The following FAM171A1 variants were observed in gnomAD, a reference collection of about 807,000 sequenced individuals.
FAM171A1 encodes the protein family with sequence similarity 171 member A1, also known as protein FAM171A1.
Under a neutral mutation model 74.9 loss-of-function variants are expected in FAM171A1, and 23 were observed. The observed-to-expected ratio is 0.31, with a 90% CI of 0.22 to 0.44. FAM171A1 has a LOEUF of 0.44. Ranked by LOEUF, FAM171A1 falls within the 20% of genes least tolerant of loss-of-function variation. The probability of loss-of-function intolerance (pLI) is 1.00; values close to 1 mark genes in which losing one functional copy is unlikely to be tolerated. For missense variants in FAM171A1, 1,162 were observed against 1,159.2 expected, an observed-to-expected ratio of 1.00 and a Z score of -0.03; for synonymous variants, 527 against 505.7, an observed-to-expected ratio of 1.04 and a Z score of -0.57.
intron 1 of FAM171A1, among the ~76,000 whole-genome samples, chr10:15,285,870 G>A (rs9787700): frequency 0.29 from 44,667 of 152,084 alleles, 7,935 homozygotes; most frequent in East Asian, 0.57. Context: ...GCCTGACAGC[G>A]AGGATGAGGA....
chr10:15,263,565 G>A (rs1031657744), intron 3 of FAM171A1, among the ~76,000 whole-genome samples: 1 of 152,146 alleles, frequency 6.6e-6, no homozygotes, highest in African/African-American at 2.4e-5. Flanking sequence ...TATCCCTCTT[G>A]TTGACCAATT....
intron 1 of FAM171A1, among the ~76,000 whole-genome samples, chr10:15,308,680 A>C (rs1386436655): frequency 1.3e-5 from 2 of 152,104 alleles, no homozygotes; most frequent in East Asian, 1.9e-4. Flanking sequence ...AACAAACCCC[A>C]AAAAACAGGT....
At chr10:15,329,747 T>C (rs1201742870) in intron 1 of FAM171A1, among the ~76,000 whole-genome samples, 1 of 151,878 alleles carries the variant, frequency 6.6e-6, no homozygotes, top group African/African-American at 2.4e-5. Flanking sequence ...CATTTTCAGA[T>C]CACAAGGGGA....
At chr10:15,263,773 A>G (rs1214104016) in intron 3 of FAM171A1, among the ~76,000 whole-genome samples, 2 of 151,410 alleles carry the variant, frequency 1.3e-5, no homozygotes, top group Non-Finnish European at 2.9e-5. Context: ...CTATCTATCT[A>G]TCTATCTATC....
At chr10:15,245,311 C>G (rs961582007) in intron 5 of FAM171A1, among the ~76,000 whole-genome samples, 1 of 152,178 alleles carries the variant, frequency 6.6e-6, no homozygotes, top group Non-Finnish European at 1.5e-5. Flanking sequence ...AGGTGATCTG[C>G]CTGTCTTGGC....
At chr10:15,341,593 T>C (rs1240167728) in intron 1 of FAM171A1, among the ~76,000 whole-genome samples, 2 of 152,152 alleles carry the variant, frequency 1.3e-5, no homozygotes, top group Non-Finnish European at 2.9e-5. Flanking sequence ...AAAAACAAAT[T>C]AATTAATTCA....
intron 1 of FAM171A1, among the ~76,000 whole-genome samples, chr10:15,359,049 A>G (rs1303884446): frequency 1.3e-5 from 2 of 152,200 alleles, no homozygotes; most frequent in African/African-American, 4.8e-5. Context: ...TGATGTGAAG[A>G]TTAAATAAGA....
At chr10:15,249,103 T>TTC (rs1554833658) in intron 4 of FAM171A1, among the ~76,000 whole-genome samples, 6 of 146,664 alleles carry the variant, frequency 4.1e-5, no homozygotes, top group Non-Finnish European at 8.9e-5. Flanking sequence ...TTTTTCTTTT[T>TTC]TTTTTTTTTT....
chr10:15,246,539 T>C (rs1183046995), intron 5 of FAM171A1, among the ~76,000 whole-genome samples: 1 of 152,226 alleles, frequency 6.6e-6, no homozygotes, highest in Non-Finnish European at 1.5e-5. Context: ...ATTTTCTTTT[T>C]TCGAGACAGT....
At chr10:15,312,341 TG>T (rs1342856352) in intron 1 of FAM171A1, among the ~76,000 whole-genome samples, 1 of 152,244 alleles carries the variant, frequency 6.6e-6, no homozygotes, top group Non-Finnish European at 1.5e-5. Context: ...TACTCGCTGC[TG>T]AACTCCAAAA....
intron 3 of FAM171A1, among the ~76,000 whole-genome samples, chr10:15,266,087 G>A (rs779586751): frequency 3.3e-5 from 5 of 152,276 alleles, no homozygotes; most frequent in African/African-American, 1.2e-4. Flanking sequence ...CACGGACGCC[G>A]TCTGCTCCTT....
chr10:15,365,445 A>G (rs1388593179), intron 1 of FAM171A1, among the ~76,000 whole-genome samples: 4 of 152,202 alleles, frequency 2.6e-5, no homozygotes, highest in Non-Finnish European at 5.9e-5. Flanking sequence ...CAGAATTTGC[A>G]AAGATTAATA....
At chr10:15,227,559 T>G (rs867451917) in intron 5 of FAM171A1, among the ~76,000 whole-genome samples, 3 of 152,048 alleles carry the variant, frequency 2.0e-5, no homozygotes, top group South Asian at 4.1e-4. Context: ...ACTTTGGTAT[T>G]TTTTGTAGAG....
chr10:15,299,208 C>T lies in FAM171A1; in HGVS notation c.98-15103G>A, dbSNP rs796679550. ...TGCTGGGATTACAGGTGTGAGCCAC[C>T]GCGCCAGGCCAGTTTTGTTGATATT... On this transcript the variant is annotated intron_variant, in intron 1 of 7. Coordinates refer to ENST00000378116, the MANE Select transcript of FAM171A1 (RefSeq NM_001010924.2). Among the ~76,000 whole-genome samples, 7 of 152,294 alleles carry T rather than the reference C, an allele frequency of 4.6e-5. No homozygotes were observed. In the South Asian group the frequency reaches 6.2e-4, roughly 14 times the overall value.
At chr10:15,345,720 C>G (rs894876722) in intron 1 of FAM171A1, among the ~76,000 whole-genome samples, 2 of 152,146 alleles carry the variant, frequency 1.3e-5, no homozygotes, top group African/African-American at 4.8e-5. Flanking sequence ...ACGTCTTCCT[C>G]AAGCAAAGAG....
At chr10:15,255,765 A>G (rs1834572648) in intron 3 of FAM171A1, among the ~76,000 whole-genome samples, 1 of 150,904 alleles carries the variant, frequency 6.6e-6, no homozygotes, top group African/African-American at 2.4e-5. Flanking sequence ...CCCCTGCCTC[A>G]GTCTCCCAAG....
chr10:15,234,456 C>T (rs1447113778), intron 5 of FAM171A1, among the ~76,000 whole-genome samples: 1 of 152,144 alleles, frequency 6.6e-6, no homozygotes, highest in African/African-American at 2.4e-5. Context: ...AACGAGAGTA[C>T]ACTCCACAGA....
chr10:15,237,162 C>A (rs1428122125), intron 5 of FAM171A1, among the ~76,000 whole-genome samples: 1 of 152,258 alleles, frequency 6.6e-6, no homozygotes, highest in Non-Finnish European at 1.5e-5. Flanking sequence ...GTGAATACTC[C>A]ATAAGTGGTA....
intron 2 of FAM171A1, among the ~76,000 whole-genome samples, chr10:15,278,308 G>A (rs954912970): frequency 9.9e-5 from 15 of 152,196 alleles, no homozygotes; most frequent in African/African-American, 3.4e-4. Context: ...AGAAAGACAA[G>A]AATAGCAGCT....
Sources: gnomAD v4.1 joint callset for allele counts (sites outside exome capture counted in the v4.1 genomes callset) on GRCh38, gnomAD v4.1.1 for gene constraint, MANE v1.5 for transcripts, NCBI Gene and HGNC (gene_info 2026-07-23, HGNC 2026-07-21) for gene names.